ZBTB7C: variants seen among roughly 807,000 people sequenced by gnomAD.
ZBTB7C encodes zinc finger and BTB domain containing 7C.
A neutral mutation model predicts 25.7 loss-of-function variants in ZBTB7C; 8 were observed. That is an observed-to-expected ratio of 0.31 (90% CI 0.18 to 0.56). The LOEUF (loss-of-function observed/expected upper bound fraction) is 0.56, where lower values mean the gene tolerates loss of function less well. ZBTB7C is among the 20% of genes least tolerant of loss of function. ZBTB7C has a pLI of 0.91. For missense variants in ZBTB7C, 824 were observed against 855.2 expected (o/e 0.96, Z 0.46); for synonymous variants, 394 against 369.0 (o/e 1.07, Z -0.78).
chr18:48,143,235 C>A (rs1047290540), intron 3 of ZBTB7C, among the ~76,000 whole-genome samples: 1 of 152,132 alleles, frequency 6.6e-6, no homozygotes, highest in Non-Finnish European at 1.5e-5. Flanking sequence ...ACACTGGGAG[C>A]ACAGGTGGAG....
intron 1 of ZBTB7C, among the ~76,000 whole-genome samples, chr18:48,345,733 C>A (rs2046714770): frequency 6.6e-6 from 1 of 152,224 alleles, no homozygotes; most frequent in Non-Finnish European, 1.5e-5. Flanking sequence ...TCTGGCTGAT[C>A]CTGCCTGAGG....
At chr18:48,222,937 G>A (rs1414522334) in intron 2 of ZBTB7C, among the ~76,000 whole-genome samples, 3 of 152,178 alleles carry the variant, frequency 2.0e-5, no homozygotes, top group Non-Finnish European at 4.4e-5. Flanking sequence ...AATCCTGTAG[G>A]TCCAGGAAGT....
chr18:48,046,110 C>T (rs2036459340), intron 3 of ZBTB7C, among the ~76,000 whole-genome samples: 1 of 152,238 alleles, frequency 6.6e-6, no homozygotes, highest in Non-Finnish European at 1.5e-5. Context: ...TCCTAAATTC[C>T]TGATCCACAG....
chr18:48,048,803 C>T (rs757962005), intron 3 of ZBTB7C, among the ~76,000 whole-genome samples: 3 of 152,330 alleles, frequency 2.0e-5, no homozygotes, highest in Admixed American at 2.0e-4. Flanking sequence ...GGGCTCTCCC[C>T]TGGCATCTGT....
chr18:48,034,204 C>T (rs908908294), intron 4 of ZBTB7C, among the ~76,000 whole-genome samples: 2 of 152,166 alleles, frequency 1.3e-5, no homozygotes, highest in Non-Finnish European at 2.9e-5. Context: ...TGCTCACTTA[C>T]CCCTTAGCAT....
intron 2 of ZBTB7C, among the ~76,000 whole-genome samples, chr18:48,318,804 C>T (rs1379646561): frequency 6.6e-6 from 1 of 152,166 alleles, no homozygotes; most frequent in African/African-American, 2.4e-5. Context: ...GAGGCCCCCG[C>T]CGTCTTCTGG....
intron 2 of ZBTB7C, among the ~76,000 whole-genome samples, chr18:48,335,109 G>A (rs888473824): frequency 2.0e-5 from 3 of 152,242 alleles, no homozygotes; most frequent in Non-Finnish European, 2.9e-5. Context: ...ACCACCAGGG[G>A]CTAAGGCCCA....
intron 3 of ZBTB7C, among the ~76,000 whole-genome samples, chr18:48,102,800 C>T (rs1299507206): frequency 1.3e-5 from 2 of 151,732 alleles, no homozygotes; most frequent in Non-Finnish European, 2.9e-5. Flanking sequence ...CATGTGAGGG[C>T]CTGTGGCTAC....
intron 1 of ZBTB7C, among the ~76,000 whole-genome samples, chr18:48,376,397 A>G (rs1372796860): frequency 6.6e-6 from 1 of 152,220 alleles, no homozygotes; most frequent in African/African-American, 2.4e-5. Flanking sequence ...AGATCGTTTG[A>G]AAAACCAGCT....
At chr18:48,044,379 T>G (rs1331931943) in intron 3 of ZBTB7C, among the ~76,000 whole-genome samples, 1 of 152,214 alleles carries the variant, frequency 6.6e-6, no homozygotes, top group African/African-American at 2.4e-5. Context: ...AGTGACTTCC[T>G]CCTTTCCCTG....
At chr18:48,141,961 G>C (rs7231158) in intron 3 of ZBTB7C, among the ~76,000 whole-genome samples, 1 of 152,158 alleles carries the variant, frequency 6.6e-6, no homozygotes, top group East Asian at 1.9e-4. Flanking sequence ...TGTATTAAAT[G>C]CCAATTTGAA....
intron 2 of ZBTB7C, among the ~76,000 whole-genome samples, chr18:48,243,997 C>T (rs778693524): frequency 6.6e-5 from 10 of 152,106 alleles, no homozygotes; most frequent in South Asian, 2.1e-4. Flanking sequence ...ACTGGATCCT[C>T]GTCTCTCAGC....
At chr18:48,353,330 A>G (rs182742867) in intron 1 of ZBTB7C, among the ~76,000 whole-genome samples, 64 of 152,300 alleles carry the variant, frequency 4.2e-4, no homozygotes, top group African/African-American at 1.5e-3. Flanking sequence ...TCCATTGTCT[A>G]AAATCACAAG....
intron 2 of ZBTB7C, among the ~76,000 whole-genome samples, chr18:48,219,773 G>C (rs143278841): frequency 2.3e-3 from 349 of 152,346 alleles, no homozygotes; most frequent in African/African-American, 8.0e-3. Flanking sequence ...GAGGGGATCA[G>C]AGTGTTGGAG....
At chr18:48,399,591 C>A (rs973995512) in intron 1 of ZBTB7C, among the ~76,000 whole-genome samples, 2 of 152,156 alleles carry the variant, frequency 1.3e-5, no homozygotes, top group Admixed American at 1.3e-4. Context: ...TCTGGAGGGA[C>A]CTGAGAGCAG....
chr18:48,062,086 A>C (rs927408896), intron 3 of ZBTB7C, among the ~76,000 whole-genome samples: 1 of 152,258 alleles, frequency 6.6e-6, no homozygotes, highest in Admixed American at 6.5e-5. Flanking sequence ...CAAGGAAAAC[A>C]TGAGAGAATC....
intron 1 of ZBTB7C, among the ~76,000 whole-genome samples, chr18:48,402,170 T>C (rs2048173955): frequency 6.6e-6 from 1 of 151,184 alleles, no homozygotes; most frequent in Non-Finnish European, 1.5e-5. Flanking sequence ...CCTGCAGGAG[T>C]GAAGACGTCC....
chr18:48,308,734 C>T (rs2045740153), intron 2 of ZBTB7C, among the ~76,000 whole-genome samples: 1 of 152,178 alleles, frequency 6.6e-6, no homozygotes, highest in Non-Finnish European at 1.5e-5. Flanking sequence ...TAGTTCTGTT[C>T]GTTCTAGGCC....
chr18:48,337,511 G>A lies in ZBTB7C; in HGVS notation c.-79+663C>T, dbSNP rs192295544. ...GACTTGCTTGATGCTTCCAGGCTTG[G>A]CTGACTTCCCTGAATCAACTGCTAG... On this transcript the variant is annotated intron_variant, in intron 2 of 4. Transcript: ENST00000590800. 4.0e-3 allele frequency among the ~76,000 whole-genome samples: 613 copies of A among 152,288 alleles called. 2 individuals carry two copies. Among genetic ancestry groups the A allele is most frequent in the Non-Finnish European group, 4.8e-3 (329 of 68,020 alleles).
Sources: gnomAD v4.1 joint callset for allele counts (sites outside exome capture counted in the v4.1 genomes callset) on GRCh38, gnomAD v4.1.1 for gene constraint, MANE v1.5 for transcripts, NCBI Gene and HGNC (gene_info 2026-07-23, HGNC 2026-07-21) for gene names.